Variants in CASD1 observed in about 807,000 individuals in gnomAD.
The protein encoded by CASD1 is CAS1 domain sialic acid O acetyltransferase 1.
In CASD1, 41 loss-of-function variants were observed where a neutral mutation model predicts 100.0. The observed-to-expected ratio is 0.41, with a 90% CI of 0.32 to 0.53. CASD1 has a LOEUF of 0.53. CASD1 is among the 20% of genes least tolerant of loss of function. The pLI, the probability that CASD1 is intolerant of heterozygous loss-of-function variation, is 0.25. For missense variants in CASD1, 774 were observed against 948.7 expected (o/e 0.82, Z 2.42); for synonymous variants, 321 against 315.6 (o/e 1.02, Z -0.18).
chr7:94,512,547 GA>G (rs1793766635), intron 1 of CASD1, among the ~76,000 whole-genome samples: 1 of 152,224 alleles, frequency 6.6e-6, no homozygotes, highest in South Asian at 2.1e-4. Flanking sequence ...ACCCACTACA[GA>G]AAGTAAAGCT....
the CASD1 span, among the ~76,000 whole-genome samples, chr7:94,576,401 T>G: frequency 6.6e-6 from 1 of 152,190 alleles, no homozygotes; most frequent in African/African-American, 2.4e-5. Flanking sequence ...TCATATGAGT[T>G]TCTGTATGCC....
chr7:94,610,511 A>G, the CASD1 span, among the ~76,000 whole-genome samples: 1 of 152,194 alleles, frequency 6.6e-6, no homozygotes, highest in Non-Finnish European at 1.5e-5. Flanking sequence ...TAAAAATAGT[A>G]TACGCACAAA....
At chr7:94,565,651 A>G in the CASD1 span, among the ~76,000 whole-genome samples, 1 of 152,286 alleles carries the variant, frequency 6.6e-6, no homozygotes, top group Admixed American at 6.5e-5. Flanking sequence ...AATTTCAGCA[A>G]TTAAGCTATC....
At chr7:94,589,002 T>C in the CASD1 span, 2 of 455,422 alleles carry the variant, frequency 4.4e-6, no homozygotes, top group South Asian at 4.7e-5. Flanking sequence ...TAGGTGTTAA[T>C]ATTTTTCCCA....
intron 14 of CASD1, 21 bp downstream of exon 14, chr7:94,549,655 A>G (rs1165368721): frequency 6.5e-7 from 1 of 1,531,192 alleles, no homozygotes; most frequent in Non-Finnish European, 8.9e-7. Flanking sequence ...ACTTTGTGAT[A>G]TTTTGTCATT....
the CASD1 span, chr7:94,599,906 A>C: frequency 2.0e-6 from 1 of 492,216 alleles, no homozygotes; most frequent in Non-Finnish European, 3.6e-6. Context: ...CAGCGATGGA[A>C]TACTGATGAG....
At chr7:94,600,740 T>C in the CASD1 span, 1 of 1,613,778 alleles carries the variant, frequency 6.2e-7, no homozygotes, top group East Asian at 2.2e-5. Flanking sequence ...AGGAAATCCG[T>C]GTAATAGTCT....
chr7:94,519,821 A>T (rs1223728618), intron 3 of CASD1, among the ~76,000 whole-genome samples: 1 of 152,218 alleles, frequency 6.6e-6, no homozygotes. Context: ...GTAAACTTTT[A>T]AAAAGTAGAG....
chr7:94,537,362 G>A (rs1364250566), intron 8 of CASD1, 110 bp from the exon 9 acceptor site: 17 of 930,618 alleles, frequency 1.8e-5, no homozygotes, highest in African/African-American at 3.3e-5. Flanking sequence ...CAAAAGATAC[G>A]AAAGCATTCT....
the CASD1 span, chr7:94,629,456 A>C: frequency 5.3e-6 from 2 of 380,376 alleles, no homozygotes; most frequent in South Asian, 4.9e-5. Context: ...TTTCCATGTG[A>C]ATATAGGTAG....
rs1795572499 is a variant in CASD1, at chr7:94,544,409, A to G, written c.1357-2A>G. 6.2e-7 allele frequency: 1 copy of G among 1,612,720 alleles called. No homozygotes were observed. On this transcript the variant is annotated splice_acceptor_variant, in intron 10 of 17. Coordinates refer to ENST00000297273, the MANE Select transcript of CASD1 (RefSeq NM_022900.5). LOFTEE classifies it high-confidence loss of function. ...GTTTTACCTGTTTATCTTTGTCAAC[A>G]GTTTTTGCCTGTATACATGCACATT...
chr7:94,626,064 T>G, the CASD1 span: 3 of 152,124 alleles, frequency 2.0e-5, no homozygotes, highest in African/African-American at 4.8e-5. Flanking sequence ...ATCTGAATAT[T>G]CCTCATTACC....
chr7:94,587,964 A>G, the CASD1 span: 9 of 1,424,332 alleles, frequency 6.3e-6, no homozygotes, highest in East Asian at 2.1e-4. Context: ...CACCCAACTT[A>G]CATTTTTAAA....
rs758378680 is a variant in CASD1 at position 94,547,127 on chromosome 7, G to A, written c.1665G>A (p.Leu555=). 7 of 1,592,710 alleles carry A rather than the reference G, an allele frequency of 4.4e-6. No individual in the cohort carries two copies. The highest frequency in any genetic ancestry group is 5.1e-6 in the Non-Finnish European group (6 of 1,169,034). ...GNCFWHFGLL[L]KLGFLLLFIC... is the part of the protein sequence containing the mutation. Reference sequence around the variant, plus strand: ...GTTTCTGGCATTTTGGCTTACTGTTGAAACTAGGCTTTTTGCTGTTATTCA... The same window carrying A: ...GTTTCTGGCATTTTGGCTTACTGTTAAAACTAGGCTTTTTGCTGTTATTCA... The change falls in exon 13 of 18, where the codon TTG becomes TTA. Residue 555 remains leucine (L), a synonymous_variant. Coordinates refer to ENST00000297273, the MANE Select transcript of CASD1 (RefSeq NM_022900.5).
At chr7:94,575,190 A>G in the CASD1 span, among the ~76,000 whole-genome samples, 1 of 152,186 alleles carries the variant, frequency 6.6e-6, no homozygotes, top group African/African-American at 2.4e-5. Flanking sequence ...ATTTAGTGCT[A>G]TGAATTTCCC....
the CASD1 span, chr7:94,586,899 G>T: frequency 1.2e-5 from 12 of 984,480 alleles, no homozygotes; most frequent in Non-Finnish European, 1.4e-5. Flanking sequence ...TGGCACTTAA[G>T]ATATTTTGGG....
At position 94,548,690 on chromosome 7, in the gene CASD1, C is replaced by G. The variant is rs1562948723; in HGVS notation, c.1714-843C>G. 2.0e-5 allele frequency among the ~76,000 whole-genome samples: 3 copies of G among 151,882 alleles called. No homozygotes were observed. The South Asian group carries it at 6.2e-4, about 32-fold the overall frequency. ...ATATAATATTATTTTCATCTTTTCT[C>G]TTTGTTTTTTAATAGCCTCTTTAAA... On this transcript the variant is annotated intron_variant, in intron 13 of 17. Coordinates refer to ENST00000297273, the MANE Select transcript of CASD1 (RefSeq NM_022900.5).
chr7:94,603,996 T>C, the CASD1 span, among the ~76,000 whole-genome samples: 1 of 152,118 alleles, frequency 6.6e-6, no homozygotes, highest in Admixed American at 6.6e-5. Context: ...CCTATATGCT[T>C]GGTCTCTCAT....
chr7:94,612,393 A>G, the CASD1 span, among the ~76,000 whole-genome samples: 21 of 152,180 alleles, frequency 1.4e-4, no homozygotes, highest in Admixed American at 1.4e-3. Flanking sequence ...AAATGCATAT[A>G]TTTTAATCTA....
Sources: allele counts gnomAD v4.1 joint callset (sites outside exome capture counted in the v4.1 genomes callset), GRCh38; gene constraint gnomAD v4.1.1; transcripts MANE v1.5; gene names NCBI Gene and HGNC (gene_info 2026-07-23, HGNC 2026-07-21).